The following PTPRG variants were observed in gnomAD, a reference collection of about 807,000 sequenced individuals.
PTPRG encodes the protein protein tyrosine phosphatase receptor type G, also known as receptor-type tyrosine-protein phosphatase gamma.
In PTPRG, 102 loss-of-function variants were observed where a neutral mutation model predicts 165.3. That is an observed-to-expected ratio of 0.62 (90% confidence interval 0.53 to 0.73). PTPRG has a LOEUF of 0.73. PTPRG is among the 30% of genes least tolerant of loss of function. The pLI, the probability that PTPRG is intolerant of heterozygous loss-of-function variation, is 0.00. For synonymous variants in PTPRG, 675 were observed against 669.5 expected (o/e 1.01, Z -0.13); for missense variants, 1,866 against 1,861.4 (o/e 1.00, Z -0.05).
Position 62,228,400 on chromosome 3 carries a change from T to C in PTPRG, c.2289-2825T>C, listed in dbSNP as rs561759485. 3.8e-4 allele frequency among the ~76,000 whole-genome samples: 58 copies of C among 151,530 alleles called. No individual in the cohort carries two copies. The highest frequency in any genetic ancestry group is 6.5e-4 in the Non-Finnish European group (44 of 67,968). On this transcript the variant is annotated intron_variant, in intron 13 of 29. Transcript: ENST00000474889. The surrounding 1 kb of genome is among the most constrained non-coding windows in gnomAD (Gnocchi z 4.1). ...AGCCGGATGTGGTGGTGGGTGCCTGTAATCCCAGCTACTTGGGAGGCTGAG... is the reference window on the plus strand; with the variant it reads ...AGCCGGATGTGGTGGTGGGTGCCTGCAATCCCAGCTACTTGGGAGGCTGAG...
chr3:62,195,299 T>A lies in PTPRG; in HGVS notation c.1327+129T>A. 1.2e-6 allele frequency: 1 copy of A among 807,500 alleles called. No individual in the cohort carries two copies. The highest frequency in any genetic ancestry group is 2.0e-6 in the Non-Finnish European group (1 of 502,148). 50.0% of individuals were successfully genotyped at this position (807,500 alleles called of 1,614,324 possible). ...TGGCAGAAGAATCAGTGTAGGGTTT[T>A]AAAGCCTATGCGGGAAGCCCTAGTA... On this transcript the variant is annotated intron_variant, in intron 10 of 29. Transcript: ENST00000474889. This position sits in a 1 kb window ranked among gnomAD's most constrained non-coding sequence, Gnocchi z 4.4.
intron 2 of PTPRG, among the ~76,000 whole-genome samples, chr3:61,974,882 C>T (rs958346764): frequency 3.9e-5 from 6 of 152,216 alleles, no homozygotes; most frequent in Non-Finnish European, 5.9e-5. Flanking sequence ...AAGACACAGA[C>T]CTGAAGTCTG....
At chr3:61,759,575 T>G (rs921849215) in intron 2 of PTPRG, among the ~76,000 whole-genome samples, 2 of 152,116 alleles carry the variant, frequency 1.3e-5, no homozygotes, top group African/African-American at 4.8e-5. Flanking sequence ...GAGGATCGCC[T>G]GAACCCAGTC....
intron 2 of PTPRG, among the ~76,000 whole-genome samples, chr3:61,869,882 T>C (rs543255614): frequency 6.6e-6 from 1 of 152,150 alleles, no homozygotes; most frequent in Non-Finnish European, 1.5e-5. Context: ...ATCACAAGTG[T>C]GAGCCACTGC....
chr3:62,158,661 C>A (rs1285938956), intron 7 of PTPRG, among the ~76,000 whole-genome samples: 14 of 152,134 alleles, frequency 9.2e-5, no homozygotes, highest in Non-Finnish European at 1.5e-5. Flanking sequence ...GGGGCAGGTT[C>A]CCTAGAAGAA....
chr3:61,956,294 TCA>T (rs10575818), intron 2 of PTPRG, among the ~76,000 whole-genome samples: 70,070 of 140,738 alleles, frequency 0.5, 16,324 homozygotes, highest in African/African-American at 0.55. Flanking sequence ...TCTCTCTCTC[TCA>T]CACACACACA....
intron 3 of PTPRG, among the ~76,000 whole-genome samples, chr3:61,992,506 G>A (rs774920359): frequency 1.4e-4 from 22 of 151,938 alleles, no homozygotes; most frequent in Non-Finnish European, 2.4e-4. Context: ...ATTACAGACA[G>A]CCACCTCCAT....
chr3:62,160,022 T>A (rs1306323656), intron 7 of PTPRG, among the ~76,000 whole-genome samples: 1 of 152,232 alleles, frequency 6.6e-6, no homozygotes, highest in Non-Finnish European at 1.5e-5. Flanking sequence ...AACAGCCAAT[T>A]CGGAAAAGCC....
At chr3:61,943,812 T>G (rs2039690586) in intron 2 of PTPRG, among the ~76,000 whole-genome samples, 1 of 152,174 alleles carries the variant, frequency 6.6e-6, no homozygotes, top group African/African-American at 2.4e-5. Context: ...GGGCCTATGC[T>G]CCCAGAGGAT....
At chr3:61,678,108 G>C (rs1302947291) in intron 1 of PTPRG, among the ~76,000 whole-genome samples, 1 of 152,066 alleles carries the variant, frequency 6.6e-6, no homozygotes, top group Non-Finnish European at 1.5e-5. Flanking sequence ...GCTGTGGCTG[G>C]GATCATCCAG....
At position 62,133,626 on chromosome 3, in the gene PTPRG, A is replaced by G. The variant is rs556807713; in HGVS notation, c.682+958A>G. Among the ~76,000 whole-genome samples, 3 of 152,318 alleles carry G rather than the reference A, an allele frequency of 2.0e-5. No individual in the cohort carries two copies. The South Asian group carries it at 6.2e-4, about 32-fold the overall frequency. Reference sequence around the variant, plus strand: ...TTGGTCAGTCATGCAGCAGGTAACAATAGTAAACCTACTCAGTGTAGAAAA... The same window carrying G: ...TTGGTCAGTCATGCAGCAGGTAACAGTAGTAAACCTACTCAGTGTAGAAAA... On this transcript the variant is annotated intron_variant, in intron 6 of 29. Coordinates refer to ENST00000474889, the MANE Select transcript of PTPRG (RefSeq NM_002841.4).
chr3:62,129,538 A>G (rs867325418), intron 5 of PTPRG, among the ~76,000 whole-genome samples: 24 of 152,264 alleles, frequency 1.6e-4, no homozygotes, highest in African/African-American at 5.8e-4. Context: ...TATCACATGA[A>G]CAAGAGAGAG....
At position 62,191,457 on chromosome 3, in the gene PTPRG, G is replaced by C; in HGVS notation, c.1034-12G>C. On this transcript the variant is annotated splice_polypyrimidine_tract_variant and intron_variant, in intron 8 of 29. Coordinates refer to ENST00000474889, the MANE Select transcript of PTPRG (RefSeq NM_002841.4). ...CTGAAAGCTCCCTGAGCTGAGCCCT[G>C]TGTATCTTCAGTTTGCAGCTCTCCA... The C allele has an allele frequency of 6.2e-7, 1 of 1,612,528 alleles. No individual in the cohort carries two copies. Among genetic ancestry groups the C allele is most frequent in the Non-Finnish European group, 8.5e-7 (1 of 1,179,502 alleles).
At chr3:62,191,329 G>A in intron 8 of PTPRG, 140 bp from the exon 9 acceptor site, 3 of 666,760 alleles carry the variant, frequency 4.5e-6, no homozygotes, top group South Asian at 2.0e-5. Context: ...CACACACAAT[G>A]TTAAGAGGAC....
rs181561521 is a variant in PTPRG at position 61,809,123 on chromosome 3, T to C, written c.190+60141T>C. 2.7e-5 allele frequency among the ~76,000 whole-genome samples: 4 copies of C among 150,812 alleles called. No individual in the cohort carries two copies. The East Asian group carries it at 7.8e-4, about 29-fold the overall frequency. ...AAGTGTTAGTTCACTGCCTTCCACATAGTGAAGGCCCAGTAACTGTTGTTT... is the reference window on the plus strand; with the variant it reads ...AAGTGTTAGTTCACTGCCTTCCACACAGTGAAGGCCCAGTAACTGTTGTTT... On this transcript the variant is annotated intron_variant, in intron 2 of 29. Transcript: ENST00000474889.
intron 15 of PTPRG, among the ~76,000 whole-genome samples, chr3:62,253,030 A>G (rs1241136164): frequency 6.6e-6 from 1 of 152,224 alleles, no homozygotes; most frequent in Non-Finnish European, 1.5e-5. Context: ...TAGTGGCAGC[A>G]GGCATACTGA....
intron 5 of PTPRG, among the ~76,000 whole-genome samples, chr3:62,092,087 CACACACACACACACACACACACA>C (rs1701953630): frequency 1.1e-5 from 1 of 92,588 alleles, no homozygotes; most frequent in South Asian, 3.6e-4. Flanking sequence ...CACACACACA[CACACACACACACACACACACACA>C]CACACACACA....
intron 2 of PTPRG, among the ~76,000 whole-genome samples, chr3:61,762,678 A>C (rs1045774101): frequency 6.6e-6 from 1 of 152,170 alleles, no homozygotes; most frequent in African/African-American, 2.4e-5. Flanking sequence ...TTCCCACGGA[A>C]GTCATTTCCG....
At chr3:61,610,363 A>G (rs1701131475) in intron 1 of PTPRG, among the ~76,000 whole-genome samples, 1 of 152,166 alleles carries the variant, frequency 6.6e-6, no homozygotes, top group Admixed American at 6.5e-5. Flanking sequence ...GAGATTTTGC[A>G]AGACCCAAAT....
Sources: gnomAD v4.1 joint callset for allele counts (sites outside exome capture counted in the v4.1 genomes callset) on GRCh38, gnomAD v4.1.1 for gene constraint, Gnocchi (gnomAD v3.1) non-coding constraint, MANE v1.5 for transcripts, NCBI Gene and HGNC (gene_info 2026-07-23, HGNC 2026-07-21) for gene names.